Variants in DLG2 observed in about 807,000 individuals in gnomAD.
DLG2 encodes the protein disks large homolog 2.
A neutral mutation model predicts 132.5 loss-of-function variants in DLG2; 45 were observed. The observed-to-expected ratio is 0.34, with a 90% CI of 0.27 to 0.44. The LOEUF (loss-of-function observed/expected upper bound fraction) is 0.44, where lower values mean the gene tolerates loss of function less well. Among genes scored for constraint, DLG2 ranks in the 20% least tolerant of loss-of-function variants. The pLI is 1.00. For synonymous variants in DLG2, 424 were observed against 419.6 expected (o/e 1.01, Z -0.13); for missense variants, 1,045 against 1,196.9 (o/e 0.87, Z 1.87).
chr11:84,498,941 T>C (rs1173086394), intron 7 of DLG2, among the ~76,000 whole-genome samples: 1 of 152,176 alleles, frequency 6.6e-6, no homozygotes, highest in African/African-American at 2.4e-5. Context: ...TTTTGTCCAA[T>C]ACACTGAAGG....
intron 10 of DLG2, among the ~76,000 whole-genome samples, chr11:84,061,964 C>T (rs1386379131): frequency 6.6e-6 from 1 of 151,964 alleles, no homozygotes; most frequent in Non-Finnish European, 1.5e-5. Context: ...GTAATTTTGC[C>T]ATCTCATGAT....
At chr11:84,570,691 A>G (rs1017356080) in intron 6 of DLG2, among the ~76,000 whole-genome samples, 1 of 152,192 alleles carries the variant, frequency 6.6e-6, no homozygotes, top group Non-Finnish European at 1.5e-5. Context: ...AGCCCATCAC[A>G]GAAGACAGTT....
chr11:85,123,187 A>C (rs892030393), intron 5 of DLG2, among the ~76,000 whole-genome samples: 6 of 151,018 alleles, frequency 4.0e-5, no homozygotes, highest in South Asian at 2.1e-4. Context: ...CCGTGTTAGC[A>C]AGGATGGTCT....
At chr11:85,365,927 C>T (rs890549249) in intron 3 of DLG2, among the ~76,000 whole-genome samples, 2 of 152,120 alleles carry the variant, frequency 1.3e-5, no homozygotes, top group Admixed American at 6.5e-5. Context: ...ACAACAGGTC[C>T]TGCCAGGAGG....
chr11:85,392,503 A>G (rs2086886648), intron 3 of DLG2, among the ~76,000 whole-genome samples: 1 of 151,944 alleles, frequency 6.6e-6, no homozygotes, highest in Non-Finnish European at 1.5e-5. Context: ...GCAAAGCAAA[A>G]CAAAGAGGAA....
At chr11:84,541,747 T>A (rs2099372280) in intron 6 of DLG2, among the ~76,000 whole-genome samples, 1 of 152,030 alleles carries the variant, frequency 6.6e-6, no homozygotes, top group South Asian at 2.1e-4. Context: ...ATCCGCATAA[T>A]CAGAAAGCCC....
intron 3 of DLG2, among the ~76,000 whole-genome samples, chr11:85,294,941 G>A (rs761681375): frequency 3.3e-5 from 5 of 152,050 alleles, no homozygotes; most frequent in Non-Finnish European, 5.9e-5. Context: ...TTAAAAATAC[G>A]ACCTCTAAAA....
chr11:84,349,433 T>C (rs1018994403), intron 7 of DLG2, among the ~76,000 whole-genome samples: 1 of 151,460 alleles, frequency 6.6e-6, no homozygotes, highest in African/African-American at 2.5e-5. Flanking sequence ...ATATTTTATT[T>C]CAACCCTTTG....
chr11:84,110,679 A>G lies in DLG2; in HGVS notation c.625-11632T>C, dbSNP rs565384671. On this transcript the variant is annotated intron_variant, in intron 9 of 27. Coordinates refer to ENST00000376104, the MANE Select transcript of DLG2 (RefSeq NM_001142699.3). ...TCCATCAGAGAAAAGGCCCCACCTG[A>G]GTAGCCATGCAGCACTAGGTCACTG... is the stretch of plus-strand genomic sequence containing the variant. Among the ~76,000 whole-genome samples the G allele has an allele frequency of 3.3e-5, 5 of 152,310 alleles. No homozygotes were observed. The East Asian group carries it at 5.8e-4, about 18-fold the overall frequency.
At position 84,114,077 on chromosome 11, in the gene DLG2, A is replaced by C. The variant is rs75784441; in HGVS notation, c.625-15030T>G. 8.9e-3 allele frequency among the ~76,000 whole-genome samples: 1,350 copies of C among 152,172 alleles called. 65 individuals are homozygous for C. In the East Asian group the frequency reaches 0.15, roughly 17 times the overall value. On this transcript the variant is annotated intron_variant, in intron 9 of 27. Transcript: ENST00000376104. ...TACTTACTACTCTTTTTGGCTTAAA[A>C]AAAATAAAACTAGTTTTAATTTTTT...
At chr11:83,645,300 T>A (rs1198535794) in intron 18 of DLG2, among the ~76,000 whole-genome samples, 1 of 152,158 alleles carries the variant, frequency 6.6e-6, no homozygotes, top group Non-Finnish European at 1.5e-5. Flanking sequence ...CATTATGACC[T>A]AAGCTCTCTG....
intron 6 of DLG2, among the ~76,000 whole-genome samples, chr11:84,715,193 G>A (rs1415456946): frequency 2.0e-5 from 3 of 152,112 alleles, no homozygotes; most frequent in Non-Finnish European, 2.9e-5. Flanking sequence ...TGGTTCAGTT[G>A]AGCTGTTATA....
At chr11:83,732,064 G>T (rs758834061) in intron 18 of DLG2, among the ~76,000 whole-genome samples, 17 of 152,036 alleles carry the variant, frequency 1.1e-4, no homozygotes, top group Non-Finnish European at 1.9e-4. Context: ...CTGAGCCATG[G>T]CTATATTGTC....
intron 24 of DLG2, among the ~76,000 whole-genome samples, chr11:83,471,070 T>A (rs1284167648): frequency 1.3e-5 from 2 of 151,996 alleles, no homozygotes; most frequent in East Asian, 3.9e-4. Context: ...CTGATGATAA[T>A]CTATAATGAG....
At chr11:84,654,622 G>T (rs1940096) in intron 6 of DLG2, among the ~76,000 whole-genome samples, 1 of 152,146 alleles carries the variant, frequency 6.6e-6, no homozygotes. Flanking sequence ...AGGACGTGCT[G>T]TTCTGAATTG....
At chr11:85,136,181 A>T (rs545891057) in intron 5 of DLG2, among the ~76,000 whole-genome samples, 1 of 152,376 alleles carries the variant, frequency 6.6e-6, no homozygotes, top group African/African-American at 2.4e-5. Flanking sequence ...TATTTGAGAA[A>T]GAAGAGCATT....
intron 3 of DLG2, among the ~76,000 whole-genome samples, chr11:85,401,896 G>T (rs531941927): frequency 7.9e-5 from 12 of 152,070 alleles, no homozygotes; most frequent in Non-Finnish European, 1.0e-4. Flanking sequence ...AATCAATATT[G>T]TGAAAATGGC....
chr11:84,055,452 A>G (rs2096482301), intron 11 of DLG2, among the ~76,000 whole-genome samples: 1 of 152,092 alleles, frequency 6.6e-6, no homozygotes, highest in South Asian at 2.1e-4. Context: ...TTCAATATAA[A>G]CACAAATCTT....
intron 18 of DLG2, among the ~76,000 whole-genome samples, chr11:83,763,453 T>A (rs779254897): frequency 2.0e-5 from 3 of 152,210 alleles, no homozygotes; most frequent in African/African-American, 4.8e-5. Context: ...TCCTTCTTAC[T>A]TTTGCTTGCA....
Sources: gnomAD v4.1 joint callset for allele counts (sites outside exome capture counted in the v4.1 genomes callset) on GRCh38, gnomAD v4.1.1 for gene constraint, MANE v1.5 for transcripts, NCBI Gene and HGNC (gene_info 2026-07-23, HGNC 2026-07-21) for gene names.